Variants in FANCG observed in about 807,000 individuals in gnomAD.
FANCG encodes FA complementation group G.
FANCG carries 67 observed loss-of-function variants against 73.3 expected under a neutral mutation model. That is an observed-to-expected ratio of 0.91 (90% confidence interval 0.75 to 1.12). The LOEUF (loss-of-function observed/expected upper bound fraction) is 1.12, where lower values mean the gene tolerates loss of function less well. Among genes scored for constraint, FANCG ranks in the 50% most tolerant of loss-of-function variants. The probability of loss-of-function intolerance (pLI) is 0.00; values close to 1 mark genes in which losing one functional copy is unlikely to be tolerated. For missense variants in FANCG, 643 were observed against 735.6 expected, an observed-to-expected ratio of 0.87 and a Z score of 1.46; for synonymous variants, 297 against 311.6, an observed-to-expected ratio of 0.95 and a Z score of 0.49.
Position 35,077,086 on chromosome 9 carries a change from A to G in FANCG, c.662T>C (p.Ile221Thr). 2 of 1,614,210 alleles carry G rather than the reference A, an allele frequency of 1.2e-6. No individual in the cohort carries two copies. The highest frequency in any genetic ancestry group is 3.3e-5 in the Admixed American group (2 of 60,018). Residue 221 changes from isoleucine to threonine, a missense_variant, in exon 6 of 14, where the codon ATC (isoleucine) becomes ACC (threonine). Coordinates refer to ENST00000378643, the MANE Select transcript of FANCG (RefSeq NM_004629.2). ...FAYRQGLQEL[I>T]TGNPDKALSS... ...TAGTGCCTTGTCTGGGTTCCCTGTGATCAGCTCCTGGAGACCTGAGGACAG... is the reference window on the plus strand; with the variant it reads ...TAGTGCCTTGTCTGGGTTCCCTGTGGTCAGCTCCTGGAGACCTGAGGACAG...
intron 4 of FANCG, 43 bp downstream of exon 4, chr9:35,078,098 A>G (rs773430910): frequency 6.4e-7 from 1 of 1,557,190 alleles, no homozygotes; most frequent in African/African-American, 1.4e-5. Flanking sequence ...AGGAGGAGGA[A>G]GGAAGGAGGA....
In FANCG at chr9:35,075,570, T is replaced by C. The variant is rs191508370; in HGVS notation, c.1328A>G (p.Lys443Arg). The C allele has an allele frequency of 1.2e-6, 2 of 1,614,018 alleles. No homozygotes were observed. Reference sequence around the variant, plus strand: ...CCAGAGTGGGCAGTATGGCAGTTCCTTGGTTCCTTTTCTGGCATCTTCCCA... The same window carrying C: ...CCAGAGTGGGCAGTATGGCAGTTCCCTGGTTCCTTTTCTGGCATCTTCCCA... Reference protein sequence around the residue: ...RLWEDARKGTKELPYCPLWVS... With the variant: ...RLWEDARKGTRELPYCPLWVS... The change falls in exon 10 of 14, where the codon AAG becomes AGG. Residue 443 changes from lysine (K) to arginine (R), a missense_variant. Lys to Arg is a conservative substitution (Grantham distance 26). Coordinates refer to ENST00000378643, the MANE Select transcript of FANCG (RefSeq NM_004629.2).
intron 2 of FANCG, 102 bp from the exon 3 acceptor site, chr9:35,078,838 A>G (rs947955626): frequency 1.7e-5 from 25 of 1,454,126 alleles, no homozygotes; most frequent in Middle Eastern, 4.0e-4. Context: ...AACAGCTACA[A>G]TAAAGAACCC....
At chr9:35,079,402 C>G (rs1829143131) in intron 1 of FANCG, 39 bp downstream of exon 1, 2 of 1,611,978 alleles carry the variant, frequency 1.2e-6, no homozygotes, top group East Asian at 4.5e-5. Flanking sequence ...TTTCAGGGAT[C>G]TTGAGGCTGC....
chr9:35,079,535 G>A lies in FANCG; in HGVS notation c.-11C>T. ...GGTCTGGCGGGACATGGTGGCCGAG[G>A]CTGGGCCCGGAGACCAGAAGCGGAC... On this transcript the variant is annotated 5_prime_UTR_variant, in exon 1 of 14. Coordinates refer to ENST00000378643, the MANE Select transcript of FANCG (RefSeq NM_004629.2). 13 of 1,613,800 alleles carry A rather than the reference G, an allele frequency of 8.1e-6. No individual in the cohort carries two copies. Among genetic ancestry groups the A allele is most frequent in the Non-Finnish European group, 1.0e-5 (12 of 1,179,884 alleles).
In FANCG at chr9:35,079,633, G is replaced by T; in HGVS notation, c.-109C>A. The stretch of plus-strand genomic sequence containing the variant: ...AGGGGCCTGGGCACTTCTGCACCCC[G>T]CCGAGCTCCCCTGCTTCTCTCGGGG... On this transcript the variant is annotated 5_prime_UTR_variant, in exon 1 of 14. Coordinates refer to ENST00000378643, the MANE Select transcript of FANCG (RefSeq NM_004629.2). The T allele has an allele frequency of 9.3e-7, 1 of 1,080,338 alleles. No individual in the cohort carries two copies. Among genetic ancestry groups the T allele is most frequent in the Non-Finnish European group, 1.4e-6 (1 of 708,584 alleles). 66.9% of individuals were successfully genotyped at this position (1,080,338 alleles called of 1,614,324 possible).
intron 11 of FANCG, 91 bp from the exon 12 acceptor site, chr9:35,075,173 G>A: frequency 6.2e-7 from 1 of 1,604,864 alleles, no homozygotes; most frequent in Non-Finnish European, 8.5e-7. Context: ...TGTGTCCACA[G>A]TCCCTTTCTC....
chr9:35,077,615 G>A (rs1829110170), intron 4 of FANCG, among the ~76,000 whole-genome samples: 1 of 151,976 alleles, frequency 6.6e-6, no homozygotes, highest in Admixed American at 6.6e-5. Context: ...TTAAAAAAAA[G>A]GAAGAAAAAC....
intron 4 of FANCG, chr9:35,077,939 A>G: frequency 1.6e-6 from 1 of 614,042 alleles, no homozygotes; most frequent in Non-Finnish European, 2.9e-6. Flanking sequence ...TGCCTGTCCA[A>G]TTTTTAAAAA....
At chr9:35,078,093 G>T in intron 4 of FANCG, 48 bp downstream of exon 4, 1 of 1,549,924 alleles carries the variant, frequency 6.5e-7, no homozygotes, top group South Asian at 1.1e-5. Context: ...GAGAAAGGAG[G>T]AGGAAGGAAG....
At position 35,074,638 on chromosome 9, in the gene FANCG, A is replaced by C. The variant is rs747659856; in HGVS notation, c.1637-144T>G. ...AAGCGGGGGCAGATCATTCACAACC[A>C]TTCCCATCCCAGTGTCCATCATCTG... On this transcript the variant is annotated intron_variant, in intron 12 of 13. Coordinates refer to ENST00000378643, the MANE Select transcript of FANCG (RefSeq NM_004629.2). The C allele has an allele frequency of 1.3e-5, 15 of 1,117,274 alleles. No individual in the cohort carries two copies. In the Admixed American group the frequency reaches 2.4e-4, roughly 18 times the overall value. The allele number at this position is 1,117,274 out of a possible 1,614,324, so 69.2% of individuals were successfully genotyped here.
intron 11 of FANCG, 46 bp from the exon 12 acceptor site, chr9:35,075,128 G>T: frequency 6.2e-7 from 1 of 1,612,542 alleles, no homozygotes; most frequent in Non-Finnish European, 8.5e-7. Context: ...CAGCCTCACA[G>T]TCACCAAAAC....
At chr9:35,077,144 A>T in intron 5 of FANCG, 43 bp from the exon 6 acceptor site, 5 of 1,614,146 alleles carry the variant, frequency 3.1e-6, no homozygotes, top group Non-Finnish European at 4.2e-6. Context: ...GCTATAGAGC[A>T]GGGGTCATGA....
chr9:35,078,507 T>G, intron 3 of FANCG, 98 bp downstream of exon 3: 3 of 1,561,664 alleles, frequency 1.9e-6, no homozygotes, highest in Non-Finnish European at 2.6e-6. Flanking sequence ...CCTCTCTCCA[T>G]GGAGGTGACA....
chr9:35,078,311 A>T lies in FANCG; in HGVS notation c.340T>A (p.Leu114Met). The change falls in exon 4 of 14, where the codon TTG becomes ATG. Residue 114 changes from leucine to methionine, a missense_variant. Leu to Met is a conservative substitution (Grantham distance 15, BLOSUM62 2). Coordinates refer to ENST00000378643, the MANE Select transcript of FANCG (RefSeq NM_004629.2). ...CACAGCTCCCTGAGCCCCTGTTCCA[A>T]CCTGGGCCCCTGCTGCTCCTGTGTC... is the stretch of plus-strand genomic sequence containing the variant. ...LETQEQQGPR[L>M]EQGLRELWDS... is the part of the protein sequence containing the mutation. 1 of 1,613,800 alleles carries T rather than the reference A, an allele frequency of 6.2e-7. No homozygotes were observed. The highest frequency in any genetic ancestry group is 1.1e-5 in the South Asian group (1 of 91,082).
chr9:35,075,511 A>G lies in FANCG; in HGVS notation c.1387T>C (p.Trp463Arg). Residue 463 changes from tryptophan (W) to arginine (R), a missense_variant, in exon 10 of 14, where the codon TGG becomes CGG. Transcript: ENST00000378643. ...SATHLLQGQA[W>R]VQLGAQKVAI... The stretch of plus-strand genomic sequence containing the variant: ...ACTTTTTGGGCACCCAGTTGAACCC[A>G]GGCCTGGCCCTGAAGCAGGTGGGTG... The G allele has an allele frequency of 6.2e-7, 1 of 1,614,122 alleles. No individual in the cohort carries two copies. Among genetic ancestry groups the G allele is most frequent in the Non-Finnish European group, 8.5e-7 (1 of 1,180,002 alleles).
Position 35,074,723 on chromosome 9 carries a change from G to A in FANCG, c.1636+204C>T, listed in dbSNP as rs17883025. 999 of 852,766 alleles carry A rather than the reference G, an allele frequency of 1.2e-3. 10 individuals carry two copies. The South Asian group carries it at 0.013, about 12-fold the overall frequency. The allele number at this position is 852,766 out of a possible 1,614,324, so 52.8% of individuals were successfully genotyped here. The stretch of plus-strand genomic sequence containing the variant: ...CATGGTCTTTGTGTCTGAGGATATC[G>A]GGGAAACCAGGGAACTCTTGGGAGC... On this transcript the variant is annotated intron_variant, in intron 12 of 13. Coordinates refer to ENST00000378643, the MANE Select transcript of FANCG (RefSeq NM_004629.2).
chr9:35,075,407 A>G (rs1829063629), intron 10 of FANCG, 58 bp downstream of exon 10: 2 of 1,613,602 alleles, frequency 1.2e-6, no homozygotes, highest in Admixed American at 3.3e-5. Context: ...GAGCTCACCA[A>G]CTCAGGTCCC....
In FANCG at chr9:35,076,449, C is replaced by T. The variant is rs1489928689; in HGVS notation, c.1059G>A (p.Arg353=). 1 of 1,614,078 alleles carries T rather than the reference C, an allele frequency of 6.2e-7. No individual in the cohort carries two copies. Among genetic ancestry groups the T allele is most frequent in the Non-Finnish European group, 8.5e-7 (1 of 1,180,038 alleles). The part of the protein sequence containing the change: ...QSQTKHILAS[R]CLQTGRAGDA... ...AACCTCACCTCCCCGTCTGTAGGCACCTGCTTGCTAGTATGTGCTTGGTCT... is the reference window on the plus strand; with the variant it reads ...AACCTCACCTCCCCGTCTGTAGGCATCTGCTTGCTAGTATGTGCTTGGTCT... The change falls in exon 8 of 14, where the codon AGG becomes AGA. Residue 353 remains arginine, a synonymous_variant. Coordinates refer to ENST00000378643, the MANE Select transcript of FANCG (RefSeq NM_004629.2).
Sources: allele counts gnomAD v4.1 joint callset (sites outside exome capture counted in the v4.1 genomes callset), GRCh38; gene constraint gnomAD v4.1.1; transcripts MANE v1.5; gene names NCBI Gene and HGNC (gene_info 2026-07-23, HGNC 2026-07-21).